KRT83: variants seen among roughly 807,000 people sequenced by gnomAD.
KRT83 encodes keratin, type II cuticular Hb3.
Under a neutral mutation model 52.9 loss-of-function variants are expected in KRT83, and 51 were observed. The ratio of observed to expected loss-of-function variants is 0.96; its 90% confidence interval spans 0.77 to 1.22. The LOEUF (loss-of-function observed/expected upper bound fraction) is 1.22, where lower values mean the gene tolerates loss of function less well. KRT83 is among the 50% of genes most tolerant of loss of function. KRT83 has a pLI of 0.00. For missense variants in KRT83, 654 were observed against 666.5 expected (o/e 0.98, Z 0.21); for synonymous variants, 278 against 274.1 (o/e 1.01, Z -0.14).
chr12:52,318,087 T>A, intron 2 of KRT83, 117 bp from the exon 3 acceptor site: 1 of 936,478 alleles, frequency 1.1e-6, no homozygotes. Flanking sequence ...TGCCCCCAAG[T>A]GAAATGGGTG....
rs182379188 is a variant in KRT83, at chr12:52,315,687, C to A, written c.1262+206G>T. ...AGACGAGGTCAGGGGTGGAGTTTGG[C>A]CAGCAACCCTGCCCTAGAATAGGTG... On this transcript the variant is annotated intron_variant, in intron 7 of 8. Coordinates refer to ENST00000293670, the MANE Select transcript of KRT83 (RefSeq NM_002282.3). Among the ~76,000 whole-genome samples, 15 of 152,286 alleles carry A rather than the reference C, an allele frequency of 9.8e-5. 1 individual carries two copies. Among genetic ancestry groups the A allele is most frequent in the Admixed American group, 9.8e-4 (15 of 15,290 alleles).
At chr12:52,319,123 C>T (rs1271318224) in intron 2 of KRT83, 33 bp downstream of exon 2, 2 of 1,612,468 alleles carry the variant, frequency 1.2e-6, no homozygotes, top group Admixed American at 1.7e-5. Context: ...CATGCTATTT[C>T]CTGTGCCCAG....
At chr12:52,319,122 TC>T (rs1201109207) in intron 2 of KRT83, 33 bp downstream of exon 2, 2 of 1,612,408 alleles carry the variant, frequency 1.2e-6, no homozygotes, top group Non-Finnish European at 1.7e-6. Context: ...CCATGCTATT[TC>T]CTGTGCCCAG....
chr12:52,319,020 G>C, intron 2 of KRT83, 136 bp downstream of exon 2: 1 of 1,303,924 alleles, frequency 7.7e-7, no homozygotes, highest in Non-Finnish European at 1.1e-6. Context: ...AGGGACCCCT[G>C]TGTCTCAAAC....
In KRT83 at chr12:52,317,032, G is replaced by A. The variant is rs763726552; in HGVS notation, c.751-9C>T. ...TGGAGAATGCGGATCTCCTGCAGGA[G>A]GTGGGGAAAGGAAGGACAACTCACT... On this transcript the variant is annotated splice_polypyrimidine_tract_variant and intron_variant, in intron 4 of 8. Transcript: ENST00000293670. 9.9e-6 allele frequency: 16 copies of A among 1,614,232 alleles called. No homozygotes were observed. In the South Asian group the frequency reaches 1.4e-4, roughly 14 times the overall value.
Position 52,314,778 on chromosome 12 carries a change from G to C in KRT83, c.1335C>G (p.Leu445=), listed in dbSNP as rs1938661280. 6.2e-7 allele frequency: 1 copy of C among 1,606,892 alleles called. No homozygotes were observed. Among genetic ancestry groups the C allele is most frequent in the African/African-American group, 1.3e-5 (1 of 74,834 alleles). ...SSRGGVVCGD[L]CVSGSRPVTG... ...TCACCGGCCGGGAGCCCGACACGCA[G>C]AGATCCCCGCACACAACCCCACCCC... is the stretch of plus-strand genomic sequence containing the variant. The change falls in exon 9 of 9, where the codon CTC becomes CTG. Residue 445 remains leucine (L), a synonymous_variant. Transcript: ENST00000293670.
Position 52,321,396 on chromosome 12 carries a change from T to C in KRT83, c.-61A>G. On this transcript the variant is annotated 5_prime_UTR_variant, in exon 1 of 9. Transcript: ENST00000293670. The stretch of plus-strand genomic sequence containing the variant: ...ATGGCAGAGGATGGAACCAAGGGCC[T>C]GTGCTCCCTGGCTGATGGCAGGCCC... 3 of 1,608,858 alleles carry C rather than the reference T, an allele frequency of 1.9e-6. No homozygotes were observed. Among genetic ancestry groups the C allele is most frequent in the Non-Finnish European group, 2.6e-6 (3 of 1,175,948 alleles).
chr12:52,319,963 G>A (rs1290354623), intron 1 of KRT83, among the ~76,000 whole-genome samples: 1 of 152,174 alleles, frequency 6.6e-6, no homozygotes, highest in African/African-American at 2.4e-5. Flanking sequence ...AGAGCTCACA[G>A]TGGCAGAGAA....
chr12:52,315,104 C>T (rs1158465222), intron 8 of KRT83, among the ~76,000 whole-genome samples: 1 of 152,186 alleles, frequency 6.6e-6, no homozygotes, highest in African/African-American at 2.4e-5. Context: ...GCAATGACAT[C>T]TTATTATTTT....
rs71092759 is a variant in KRT83 at position 52,316,261 on chromosome 12, T to TACACACACAC, written c.1042-158_1042-149dup. On this transcript the variant is annotated intron_variant, in intron 6 of 8. Coordinates refer to ENST00000293670, the MANE Select transcript of KRT83 (RefSeq NM_002282.3). ...ACCTTCCTTCCCTCCTCACTTACACTACACACACACACACACACACACACC... is the reference window on the plus strand; with the variant it reads ...ACCTTCCTTCCCTCCTCACTTACACTACACACACACACACACACACACACACACACACACC... 2,338 of 811,474 alleles carry TACACACACAC rather than the reference T, an allele frequency of 2.9e-3. 18 individuals carry two copies. The highest frequency in any genetic ancestry group is 0.016 in the African/African-American group (910 of 56,410). The allele number at this position is 811,474 out of a possible 1,614,324, so 50.3% of individuals were successfully genotyped here.
rs749905263 is a variant in KRT83, at chr12:52,315,917, C to T, written c.1238G>A (p.Arg413His). Residue 413 changes from arginine to histidine, a missense_variant, in exon 7 of 9, where the codon CGC becomes CAC. Coordinates refer to ENST00000293670, the MANE Select transcript of KRT83 (RefSeq NM_002282.3). ...GLDIEIATYRRLLEGEEQRLC... is the reference protein window; with the variant it reads ...GLDIEIATYRHLLEGEEQRLC... ...CCTCTGCTCCTCGCCCTCCAGCAGG[C>T]GCCTGTAGGTGGCGATCTCGATATC... 28 of 1,612,478 alleles carry T rather than the reference C, an allele frequency of 1.7e-5. No individual in the cohort carries two copies. The highest frequency in any genetic ancestry group is 1.5e-4 in the Admixed American group (9 of 59,996).
chr12:52,316,616 T>C lies in KRT83; in HGVS notation c.916-23A>G, dbSNP rs1262308049. ...ACACTGCAGGAAGCAGAGATGTTCA[T>C]GAGGCTCAGGATGAGACATCCCATT... On this transcript the variant is annotated intron_variant, in intron 5 of 8. Transcript: ENST00000293670. 9 of 1,614,086 alleles carry C rather than the reference T, an allele frequency of 5.6e-6. No homozygotes were observed. The East Asian group carries it at 6.7e-5, about 12-fold the overall frequency.
intron 5 of KRT83, 95 bp from the exon 6 acceptor site, chr12:52,316,688 C>T: frequency 6.2e-7 from 1 of 1,605,308 alleles, no homozygotes; most frequent in South Asian, 1.1e-5. Flanking sequence ...AGTGCTCGGC[C>T]TGTGCAACCA....
At position 52,321,257 on chromosome 12, in the gene KRT83, GCCGGGGC is replaced by G; in HGVS notation, c.72_78del (p.Pro25GlnfsTer74). On this transcript the variant is annotated frameshift_variant, in exon 1 of 9. Transcript: ENST00000293670. LOFTEE classifies it high-confidence loss of function. ...GCGGCGGTGATGCAGCAGCGGCTTG[GCCGGGGC>G]CCGCAGGCAGAGACACAGCTGAAGT... 1.2e-6 allele frequency: 2 copies of G among 1,613,412 alleles called. No homozygotes were observed. The highest frequency in any genetic ancestry group is 2.2e-5 in the South Asian group (2 of 91,088).
In KRT83 at chr12:52,320,938, A is replaced by G; in HGVS notation, c.384+14T>C. 1 of 1,613,884 alleles carries G rather than the reference A, an allele frequency of 6.2e-7. No individual in the cohort carries two copies. The highest frequency in any genetic ancestry group is 8.5e-7 in the Non-Finnish European group (1 of 1,179,882). On this transcript the variant is annotated intron_variant, in intron 1 of 8. Transcript: ENST00000293670. ...TAGGGGTTCAGGAAGGGTGTGATCC[A>G]GGACGACACCCACCTTGTCGATGAA...
chr12:52,315,422 T>TA, intron 7 of KRT83, 79 bp from the exon 8 acceptor site: 1 of 1,420,086 alleles, frequency 7.0e-7, no homozygotes, highest in Non-Finnish European at 1.0e-6. Context: ...GGTGCTGAAA[T>TA]GGGTCATCTC....
intron 1 of KRT83, among the ~76,000 whole-genome samples, chr12:52,320,473 G>C (rs1938752553): frequency 6.6e-6 from 1 of 152,180 alleles, no homozygotes. Flanking sequence ...CTGAGCCCCA[G>C]GAACAGTGGC....
rs746592309 is a variant in KRT83 at position 52,321,194 on chromosome 12, C to A, written c.142G>T (p.Gly48Trp). The change falls in exon 1 of 9, where the codon GGG (glycine) becomes TGG (tryptophan). Residue 48 changes from glycine (G) to tryptophan (W), a missense_variant. Gly to Trp is a radical substitution (Grantham distance 184, BLOSUM62 -2). Transcript: ENST00000293670. Reference sequence around the variant, plus strand: ...CACACGCTGTGGCTGCCAAAGCCCCCGGTGAGGCCGCGGTAGCAGGAGATG... The same window carrying A: ...CACACGCTGTGGCTGCCAAAGCCCCAGGTGAGGCCGCGGTAGCAGGAGATG... ...RGISCYRGLT[G>W]GFGSHSVCGG... 7 of 1,612,908 alleles carry A rather than the reference C, an allele frequency of 4.3e-6. No homozygotes were observed. The highest frequency in any genetic ancestry group is 5.9e-6 in the Non-Finnish European group (7 of 1,179,498).
chr12:52,321,156 G>A lies in KRT83; in HGVS notation c.180C>T (p.Arg60=). 2 of 1,612,392 alleles carry A rather than the reference G, an allele frequency of 1.2e-6. No homozygotes were observed. Among genetic ancestry groups the A allele is most frequent in the Non-Finnish European group, 1.7e-6 (2 of 1,179,546 alleles). ...FGSHSVCGGF[R]AGSCGRSFGY... ...CGAAGCTGCGTCCGCAGGAGCCGGC[G>A]CGGAAGCCCCCGCACACGCTGTGGC... Residue 60 remains arginine, a synonymous_variant, in exon 1 of 9, where the codon CGC becomes CGT. Transcript: ENST00000293670.
Sources: gnomAD v4.1 joint callset for allele counts (sites outside exome capture counted in the v4.1 genomes callset) on GRCh38, gnomAD v4.1.1 for gene constraint, MANE v1.5 for transcripts, NCBI Gene and HGNC (gene_info 2026-07-23, HGNC 2026-07-21) for gene names.